The following CP variants were observed in gnomAD, a reference collection of about 807,000 sequenced individuals.
CP encodes the protein caeruloplasmin.
A neutral mutation model predicts 122.4 loss-of-function variants in CP; 64 were observed. The ratio of observed to expected loss-of-function variants is 0.52; its 90% CI spans 0.43 to 0.64. The LOEUF is 0.64. CP is among the 30% of genes least tolerant of loss of function. CP has a pLI of 0.00. For missense variants in CP, 1,167 were observed against 1,284.4 expected, an observed-to-expected ratio of 0.91 and a Z score of 1.40; for synonymous variants, 440 against 436.4, an observed-to-expected ratio of 1.01 and a Z score of -0.10.
downstream of CP, chr3:149,170,323 A>G (rs2108193561): frequency 6.6e-6 from 1 of 152,292 alleles, no homozygotes; most frequent in East Asian, 1.9e-4. Context: ...CTGAGATGCT[A>G]CTTACAGGCT....
chr3:149,192,916 G>C (rs1454208119), intron 9 of CP, among the ~76,000 whole-genome samples: 1 of 151,350 alleles, frequency 6.6e-6, no homozygotes, highest in Non-Finnish European at 1.5e-5. Context: ...TACACTTTAC[G>C]CAGTGATTTT....
intron 1 of CP, among the ~76,000 whole-genome samples, chr3:149,215,358 A>T (rs554894160): frequency 1.6e-4 from 24 of 152,302 alleles, no homozygotes; most frequent in African/African-American, 4.6e-4. Flanking sequence ...ACCAAGACCT[A>T]TATTGCCTAG....
rs537915573 is a variant in CP at position 149,199,257 on chromosome 3, A to G, written c.1501+455T>C. ...ATAACATTTATTTGCTATGATCTCAACCGTATTTAAAATATATATTATATG... is the reference window on the plus strand; with the variant it reads ...ATAACATTTATTTGCTATGATCTCAGCCGTATTTAAAATATATATTATATG... On this transcript the variant is annotated intron_variant, in intron 8 of 18. Transcript: ENST00000264613. 6.2e-4 allele frequency among the ~76,000 whole-genome samples: 94 copies of G among 152,258 alleles called. 1 individual carries two copies. The highest frequency in any genetic ancestry group is 2.2e-3 in the African/African-American group (93 of 41,558).
chr3:149,213,980 C>A (rs949707648), intron 1 of CP, among the ~76,000 whole-genome samples: 2 of 152,180 alleles, frequency 1.3e-5, no homozygotes, highest in Admixed American at 1.3e-4. Flanking sequence ...ACTCCTGGGA[C>A]ACAACTCCAT....
intron 18 of CP, among the ~76,000 whole-genome samples, 160 bp from the exon 19 acceptor site, chr3:149,173,890 C>T (rs1160118623): frequency 1.3e-5 from 2 of 151,972 alleles, no homozygotes; most frequent in Non-Finnish European, 2.9e-5. Context: ...CATTCTATTG[C>T]TGCTTTATTT....
chr3:149,168,157 T>G (rs1724619984), downstream of CP: 1 of 601,154 alleles, frequency 1.7e-6, no homozygotes, highest in Non-Finnish European at 3.0e-6. Flanking sequence ...TGATATTGAT[T>G]TATCTCCTAG....
At chr3:149,196,882 G>A (rs1726927835) in intron 9 of CP, among the ~76,000 whole-genome samples, 1 of 152,238 alleles carries the variant, frequency 6.6e-6, no homozygotes, top group East Asian at 1.9e-4. Flanking sequence ...ATGGCCTGAA[G>A]TAACTGAAGA....
exon 6 of CP, chr3:149,162,628 G>C: frequency 6.5e-7 from 1 of 1,531,558 alleles, no homozygotes; most frequent in Non-Finnish European, 9.0e-7. Flanking sequence ...ATTCAGCCCA[G>C]CTGTCGCTTT....
At chr3:149,216,969 C>T (rs1268052792) in intron 1 of CP, among the ~76,000 whole-genome samples, 8 of 148,868 alleles carry the variant, frequency 5.4e-5, no homozygotes, top group South Asian at 2.1e-4. Flanking sequence ...GGCGTGATCT[C>T]GGCTCACTGC....
At chr3:149,189,621 A>G (rs1726415755) in intron 9 of CP, among the ~76,000 whole-genome samples, 1 of 152,110 alleles carries the variant, frequency 6.6e-6, no homozygotes, top group African/African-American at 2.4e-5. Flanking sequence ...AGTATAATAA[A>G]TGCCAGAAGA....
chr3:149,221,647 G>A lies in CP; in HGVS notation c.146C>T (p.Thr49Met), dbSNP rs750217772. ...ATAAACAATAAAAATAGTGACTTAC[G>A]TGTCAACAGAAATAAGTTTCTTTTC... ...HGEKKLISVD[T>M]EHSNIYLQNG... Residue 49 changes from threonine to methionine, a missense_variant and splice_region_variant, in exon 1 of 19, where the codon ACG becomes ATG. Coordinates refer to ENST00000264613, the MANE Select transcript of CP (RefSeq NM_000096.4). The A allele has an allele frequency of 2.6e-5, 42 of 1,611,332 alleles. No individual in the cohort carries two copies. The highest frequency in any genetic ancestry group is 4.0e-5 in the African/African-American group (3 of 74,788).
At chr3:149,194,032 G>A (rs1051102379) in intron 9 of CP, among the ~76,000 whole-genome samples, 1 of 152,010 alleles carries the variant, frequency 6.6e-6, no homozygotes, top group Admixed American at 6.6e-5. Context: ...TCAGTTCTTT[G>A]TCCACAAAAT....
intron 14 of CP, 25 bp downstream of exon 14, chr3:149,181,979 AC>A: frequency 3.9e-6 from 2 of 515,792 alleles, no homozygotes; most frequent in African/African-American, 2.4e-5. Context: ...AAAATGCACC[AC>A]CCCCACCCCC....
At chr3:149,186,874 ATCCTTGCAAC>A (rs1726215813) in intron 10 of CP, 142 bp from the exon 11 acceptor site, 1 of 759,780 alleles carries the variant, frequency 1.3e-6, no homozygotes, top group East Asian at 2.7e-5. Context: ...TGTCAGGAGT[ATCCTTGCAAC>A]TCCTTGTGGT....
At chr3:149,179,091 C>T (rs894260087) in intron 15 of CP, among the ~76,000 whole-genome samples, 5 of 152,284 alleles carry the variant, frequency 3.3e-5, no homozygotes, top group Non-Finnish European at 4.4e-5. Context: ...CTACTTCCCC[C>T]GGCTCACTCA....
At chr3:149,179,226 C>A in intron 15 of CP, among the ~76,000 whole-genome samples, 1 of 152,162 alleles carries the variant, frequency 6.6e-6, no homozygotes, top group Non-Finnish European at 1.5e-5. Flanking sequence ...CCCCTCCAAG[C>A]CTTCCTTCAT....
intron 10 of CP, among the ~76,000 whole-genome samples, chr3:149,187,032 C>A (rs1211216357): frequency 6.6e-6 from 1 of 152,034 alleles, no homozygotes; most frequent in Non-Finnish European, 1.5e-5. Context: ...ATTTCCAGTT[C>A]TTTAAGTGAT....
chr3:149,205,898 G>A (rs1727679732), intron 6 of CP, among the ~76,000 whole-genome samples: 1 of 152,176 alleles, frequency 6.6e-6, no homozygotes, highest in African/African-American at 2.4e-5. Context: ...GAAATGGGAA[G>A]CAAATTAATT....
chr3:149,207,408 G>A lies in CP; in HGVS notation c.991C>T (p.Pro331Ser), dbSNP rs376348284. Residue 331 changes from proline (P) to serine (S), a missense_variant, in exon 5 of 19, where the codon CCT (proline) becomes TCT (serine). Physicochemically the swap from Pro to Ser is moderately conservative, Grantham distance 74. This residue lies in a region of CP where 642 missense variants were observed against 627.3 expected (regional missense o/e 1.02). Coordinates refer to ENST00000264613, the MANE Select transcript of CP (RefSeq NM_000096.4). ...LFDAYMVAQN[P>S]GEWMLSCQNL... Reference sequence around the variant, plus strand: ...TGACAGCTGAGCATCCATTCTCCAGGGTTCTGGGCCACCATATAAGCATCA... The same window carrying A: ...TGACAGCTGAGCATCCATTCTCCAGAGTTCTGGGCCACCATATAAGCATCA... 1 of 1,613,890 alleles carries A rather than the reference G, an allele frequency of 6.2e-7. No individual in the cohort carries two copies. Among genetic ancestry groups the A allele is most frequent in the African/African-American group, 1.3e-5 (1 of 75,028 alleles).
Sources: allele counts gnomAD v4.1 joint callset (sites outside exome capture counted in the v4.1 genomes callset), GRCh38; gene constraint gnomAD v4.1.1; regional missense constraint gnomAD v4.1.1; transcripts MANE v1.5; gene names NCBI Gene and HGNC (gene_info 2026-07-23, HGNC 2026-07-21).